SYT16: variants seen among roughly 807,000 people sequenced by gnomAD.
SYT16 encodes the protein synaptotagmin-16.
SYT16 carries 42 observed loss-of-function variants against 61.4 expected under a neutral mutation model. The observed-to-expected ratio is 0.68, with a 90% CI of 0.53 to 0.89. SYT16 has a LOEUF of 0.89. Among genes scored for constraint, SYT16 ranks in the 40% least tolerant of loss-of-function variants. SYT16 has a pLI of 0.00. For missense variants in SYT16, 804 were observed against 807.3 expected (o/e 1.00, Z 0.05); for synonymous variants, 314 against 302.3 (o/e 1.04, Z -0.40).
At chr14:61,881,023 A>G (rs1365026955) in intron 1 of SYT16, among the ~76,000 whole-genome samples, 2 of 152,208 alleles carry the variant, frequency 1.3e-5, no homozygotes, top group African/African-American at 2.4e-5. Flanking sequence ...ACTAGCACCT[A>G]GATCAAAAAA....
intron 7 of SYT16, among the ~76,000 whole-genome samples, chr14:62,084,973 CAG>C (rs1247315762): frequency 1.3e-5 from 2 of 152,082 alleles, no homozygotes; most frequent in Middle Eastern, 3.2e-3. Flanking sequence ...GTGGTGGTGA[CAG>C]AGAAAGGAAG....
At chr14:62,044,807 A>T (rs2054899300) in intron 3 of SYT16, among the ~76,000 whole-genome samples, 1 of 152,186 alleles carries the variant, frequency 6.6e-6, no homozygotes, top group Admixed American at 6.5e-5. Flanking sequence ...TCCTAGAACC[A>T]GTCCTCTGCA....
At chr14:61,824,147 G>T (rs1046007788) in intron 1 of SYT16, among the ~76,000 whole-genome samples, 1 of 152,034 alleles carries the variant, frequency 6.6e-6, no homozygotes, top group African/African-American at 2.4e-5. Context: ...ATGCTGTTCT[G>T]TTTTCTCTTT....
intron 5 of SYT16, among the ~76,000 whole-genome samples, chr14:62,078,126 T>C (rs933081206): frequency 6.8e-6 from 1 of 146,784 alleles, no homozygotes; most frequent in Non-Finnish European, 1.5e-5. Context: ...TCTCTCTCTC[T>C]AGTGCTCTCT....
rs1045218224 is a variant in SYT16, at chr14:62,097,715, G to C, written c.1625-2679G>C. 2.6e-5 allele frequency among the ~76,000 whole-genome samples: 4 copies of C among 152,188 alleles called. No individual in the cohort carries two copies. The East Asian group carries it at 7.7e-4, about 29-fold the overall frequency. The stretch of plus-strand genomic sequence containing the variant: ...GTTATACACATACAATCCAACTTCA[G>C]TGATAGTAATTTGGTAGTAAGTGGC... On this transcript the variant is annotated intron_variant, in intron 7 of 7. Coordinates refer to ENST00000683842, the MANE Select transcript of SYT16 (RefSeq NM_001367656.1).
At chr14:62,038,722 A>G (rs1254915) in intron 3 of SYT16, among the ~76,000 whole-genome samples, 73,834 of 151,956 alleles carry the variant, frequency 0.49, 18,260 homozygotes, top group Middle Eastern at 0.6. Context: ...CAGCAGGAAA[A>G]TGTGATGGAA....
intron 1 of SYT16, among the ~76,000 whole-genome samples, chr14:61,884,597 T>G (rs763161819): frequency 6.6e-6 from 1 of 152,238 alleles, no homozygotes; most frequent in Non-Finnish European, 1.5e-5. Context: ...AAAAGTTCTT[T>G]GTTTTTGATG....
intron 1 of SYT16, among the ~76,000 whole-genome samples, chr14:61,967,218 G>A (rs1217537788): frequency 1.3e-5 from 2 of 152,196 alleles, no homozygotes; most frequent in Non-Finnish European, 2.9e-5. Context: ...ACAGCAACAA[G>A]AAAGAGTTTG....
intron 1 of SYT16, among the ~76,000 whole-genome samples, chr14:61,921,561 T>A (rs1196559761): frequency 1.3e-5 from 2 of 152,212 alleles, no homozygotes. Flanking sequence ...CTCAGTTCTT[T>A]CCTTAGAGGT....
intron 1 of SYT16, among the ~76,000 whole-genome samples, chr14:61,943,255 A>T (rs1349439053): frequency 6.6e-6 from 1 of 152,186 alleles, no homozygotes; most frequent in African/African-American, 2.4e-5. Flanking sequence ...CTACCAACCA[A>T]AAAAAGCCCA....
rs898185117 is a variant in SYT16 at position 62,100,646 on chromosome 14, A to T, written c.1877A>T (p.Glu626Val). ...GGAGAGGAGGAACAAGATCACTGGG[A>T]GGAGATGAAGGAAACCAAAGGCCAG... ...SSGEEEQDHWEEMKETKGQQI... is the reference protein window; with the variant it reads ...SSGEEEQDHWVEMKETKGQQI... Residue 626 changes from glutamate to valine, a missense_variant, in exon 8 of 8, where the codon GAG becomes GTG. Coordinates refer to ENST00000683842, the MANE Select transcript of SYT16 (RefSeq NM_001367656.1). 1 of 1,613,708 alleles carries T rather than the reference A, an allele frequency of 6.2e-7. No individual in the cohort carries two copies. Among genetic ancestry groups the T allele is most frequent in the Non-Finnish European group, 8.5e-7 (1 of 1,179,818 alleles).
chr14:61,944,219 C>G (rs1325553072), intron 1 of SYT16, among the ~76,000 whole-genome samples: 1 of 152,016 alleles, frequency 6.6e-6, no homozygotes. Flanking sequence ...AACCACTGCT[C>G]AAGGAAATAA....
At chr14:61,816,992 CAG>C (rs986126398) in intron 1 of SYT16, among the ~76,000 whole-genome samples, 2 of 128,694 alleles carry the variant, frequency 1.6e-5, no homozygotes, top group Non-Finnish European at 3.2e-5. Flanking sequence ...GCCTGGGCGA[CAG>C]AGTGAGGCTC....
At chr14:62,083,118 G>T (rs530137520) in intron 6 of SYT16, among the ~76,000 whole-genome samples, 1 of 149,904 alleles carries the variant, frequency 6.7e-6, no homozygotes, top group African/African-American at 2.5e-5. Context: ...TAGCCCTGCC[G>T]TTTACAAACT....
chr14:61,933,368 G>T (rs1262404589), intron 1 of SYT16, among the ~76,000 whole-genome samples: 1 of 152,184 alleles, frequency 6.6e-6, no homozygotes, highest in African/African-American at 2.4e-5. Context: ...AATAAAATCA[G>T]TGAAAGTTGG....
At position 62,080,912 on chromosome 14, in the gene SYT16, T is replaced by G; in HGVS notation, c.1072T>G (p.Phe358Val). Reference protein sequence around the residue: ...ISKCGDLDVIFEYRAASQKLT... With the variant: ...ISKCGDLDVIVEYRAASQKLT... ...AAAGTGTGGTGACCTAGATGTCATC[T>G]TTGAATATAGAGCCGCCAGCCAGAA... Residue 358 changes from phenylalanine (F) to valine (V), a missense_variant, in exon 6 of 8, where the codon TTT (phenylalanine) becomes GTT (valine). Phe to Val is a conservative substitution (Grantham distance 50). Transcript: ENST00000683842. 6.2e-7 allele frequency: 1 copy of G among 1,606,604 alleles called. No individual in the cohort carries two copies. The highest frequency in any genetic ancestry group is 8.5e-7 in the Non-Finnish European group (1 of 1,176,416).
At chr14:62,015,268 G>T (rs1206315877) in intron 3 of SYT16, among the ~76,000 whole-genome samples, 2 of 142,548 alleles carry the variant, frequency 1.4e-5, no homozygotes, top group Non-Finnish European at 3.0e-5. Context: ...ATTTAGCATG[G>T]CATCAGTTTC....
At chr14:62,070,252 G>A (rs1432993835) in intron 4 of SYT16, among the ~76,000 whole-genome samples, 1 of 152,152 alleles carries the variant, frequency 6.6e-6, no homozygotes, top group Non-Finnish European at 1.5e-5. Flanking sequence ...AAGATATTTT[G>A]AAGCCTTTCT....
chr14:61,833,407 C>G (rs1419774280), intron 1 of SYT16, among the ~76,000 whole-genome samples: 1 of 151,746 alleles, frequency 6.6e-6, no homozygotes, highest in African/African-American at 2.4e-5. Flanking sequence ...ATTTTCCTGC[C>G]TCAGCCTCCC....
Sources: allele counts gnomAD v4.1 joint callset (sites outside exome capture counted in the v4.1 genomes callset), GRCh38; gene constraint gnomAD v4.1.1; transcripts MANE v1.5; gene names NCBI Gene and HGNC (gene_info 2026-07-23, HGNC 2026-07-21).